UBAC1: variants seen among roughly 807,000 people sequenced by gnomAD.
UBAC1 encodes the protein UBA domain containing 1.
A neutral mutation model predicts 45.9 loss-of-function variants in UBAC1; 27 were observed. That is an observed-to-expected ratio of 0.59 (90% CI 0.43 to 0.81). The LOEUF is 0.81. Ranked by LOEUF, UBAC1 falls within the 30% of genes least tolerant of loss-of-function variation. The pLI, the probability that UBAC1 is intolerant of heterozygous loss-of-function variation, is 0.00. For missense variants in UBAC1, 529 were observed against 539.2 expected, an observed-to-expected ratio of 0.98 and a Z score of 0.19; for synonymous variants, 227 against 215.5, an observed-to-expected ratio of 1.05 and a Z score of -0.47.
rs781207645 is a variant in UBAC1 at position 135,946,012 on chromosome 9, C to A, written c.545-15G>T. 6 of 1,611,024 alleles carry A rather than the reference C, an allele frequency of 3.7e-6. No homozygotes were observed. In the African/African-American group the frequency reaches 5.3e-5, roughly 14 times the overall value. On this transcript the variant is annotated splice_polypyrimidine_tract_variant and intron_variant, in intron 5 of 9. Transcript: ENST00000371756. ...GTCCAGCATTGCTGCAGGGAGACGACAGGGCCATGAGGGCTCCAGCCTCAG... is the reference window on the plus strand; with the variant it reads ...GTCCAGCATTGCTGCAGGGAGACGAAAGGGCCATGAGGGCTCCAGCCTCAG...
chr9:135,955,713 C>A (rs1839459317), intron 1 of UBAC1, among the ~76,000 whole-genome samples: 1 of 152,200 alleles, frequency 6.6e-6, no homozygotes, highest in Admixed American at 6.5e-5. Context: ...CTAGAAAGAT[C>A]TGGAAAATAA....
intron 1 of UBAC1, among the ~76,000 whole-genome samples, chr9:135,959,686 T>A (rs4841901): frequency 0.69 from 104,568 of 151,976 alleles, 36,141 homozygotes; most frequent in East Asian, 0.77. Flanking sequence ...AGAAGTTTTT[T>A]AAAATACACA....
intron 2 of UBAC1, 89 bp from the exon 3 acceptor site, chr9:135,953,842 G>T: frequency 8.6e-7 from 1 of 1,164,236 alleles, no homozygotes; most frequent in Non-Finnish European, 1.2e-6. Flanking sequence ...CCTGAGAACA[G>T]AACAGCAGGG....
chr9:135,949,436 A>G (rs1243198207), intron 3 of UBAC1, among the ~76,000 whole-genome samples: 2 of 152,214 alleles, frequency 1.3e-5, no homozygotes, highest in Admixed American at 6.5e-5. Context: ...GCAAAGAGAA[A>G]AAGACCTGCA....
At chr9:135,946,814 G>A (rs1309657526) in intron 4 of UBAC1, among the ~76,000 whole-genome samples, 2 of 152,232 alleles carry the variant, frequency 1.3e-5, no homozygotes, top group Non-Finnish European at 2.9e-5. Flanking sequence ...CCAGGCAGGA[G>A]GAGCCGTGGG....
In UBAC1 at chr9:135,937,216, G is replaced by C. The variant is rs552580179; in HGVS notation, c.1102+1006C>G. Among the ~76,000 whole-genome samples, 12 of 152,214 alleles carry C rather than the reference G, an allele frequency of 7.9e-5. No individual in the cohort carries two copies. In the South Asian group the frequency reaches 2.3e-3, roughly 29 times the overall value. ...CCCAGCACTTAGGGAGGCTGAGGCA[G>C]GTGGATCACGAGGTCAGGAGTTCGA... On this transcript the variant is annotated intron_variant, in intron 9 of 9. Transcript: ENST00000371756.
chr9:135,952,519 A>C (rs1173640930), intron 3 of UBAC1, among the ~76,000 whole-genome samples: 2 of 152,222 alleles, frequency 1.3e-5, no homozygotes, highest in East Asian at 3.8e-4. Context: ...ATGAGCTTCT[A>C]GGGCAGCCAG....
In UBAC1 at chr9:135,952,462, G is replaced by A. The variant is rs73668048; in HGVS notation, c.333+1218C>T. Among the ~76,000 whole-genome samples, 1,386 of 152,328 alleles carry A rather than the reference G, an allele frequency of 9.1e-3. 19 individuals carry two copies. Among genetic ancestry groups the A allele is most frequent in the African/African-American group, 0.031 (1,281 of 41,574 alleles). On this transcript the variant is annotated intron_variant, in intron 3 of 9. Coordinates refer to ENST00000371756, the MANE Select transcript of UBAC1 (RefSeq NM_016172.3). ...CAGGCCCTGCTGTGGGGTAGGACAC[G>A]CCACTTGCAGAACGCATCTTCCTCT...
chr9:135,938,511 G>T, intron 8 of UBAC1, 151 bp from the exon 9 acceptor site: 4 of 1,001,500 alleles, frequency 4.0e-6, no homozygotes, highest in Non-Finnish European at 5.7e-6. Flanking sequence ...CTACCGTGAA[G>T]ACAAACGCAG....
chr9:135,944,731 T>C (rs1448555407), intron 7 of UBAC1, among the ~76,000 whole-genome samples: 1 of 152,200 alleles, frequency 6.6e-6, no homozygotes, highest in African/African-American at 2.4e-5. Flanking sequence ...CTGTAAAATA[T>C]CAAGTTTTTC....
At chr9:135,933,616 C>T (rs528753343) in intron 9 of UBAC1, 101 bp from the exon 10 acceptor site, 45 of 823,426 alleles carry the variant, frequency 5.5e-5, no homozygotes, top group South Asian at 5.0e-4. Context: ...GAAGAGGGTG[C>T]GTCTCCAATA....
chr9:135,955,471 T>C (rs1356057499), intron 1 of UBAC1, 56 bp from the exon 2 acceptor site: 2 of 1,452,662 alleles, frequency 1.4e-6, no homozygotes, highest in Non-Finnish European at 1.8e-6. Context: ...ATTCTAATAA[T>C]ATAGGACCTG....
In UBAC1 at chr9:135,959,435, C is replaced by T. The variant is rs1417748706; in HGVS notation, c.138+1590G>A. On this transcript the variant is annotated intron_variant, in intron 1 of 9. Transcript: ENST00000371756. ...CTGTCGCCAGGCTGGAGTGCAGTGG[C>T]GCGATCTCATCTCACTGCAACCTCC... 2.1e-5 allele frequency among the ~76,000 whole-genome samples: 3 copies of T among 143,566 alleles called. No homozygotes were observed. The Admixed American group carries it at 2.2e-4, about 10-fold the overall frequency. 94.2% of individuals were successfully genotyped at this position (143,566 alleles called of 152,430 possible).
Position 135,961,076 on chromosome 9 carries a change from C to T in UBAC1, c.87G>A (p.Glu29=), listed in dbSNP as rs768262551. ...CASDGAEWLE[E]ATEDTSVEKL... is the part of the protein sequence containing the mutation. ...TCTCCACCGAGGTGTCCTCGGTGGC[C>T]TCCTCCAGCCACTCGGCGCCGTCGG... Residue 29 remains glutamate (E), a synonymous_variant, in exon 1 of 10, where the codon GAG becomes GAA. Transcript: ENST00000371756. The T allele has an allele frequency of 1.9e-4, 306 of 1,583,934 alleles. No individual in the cohort carries two copies. The highest frequency in any genetic ancestry group is 2.4e-4 in the Non-Finnish European group (281 of 1,170,674).
chr9:135,949,226 G>A (rs1839377285), intron 3 of UBAC1, among the ~76,000 whole-genome samples: 1 of 152,132 alleles, frequency 6.6e-6, no homozygotes, highest in Non-Finnish European at 1.5e-5. Flanking sequence ...ACATGTTACA[G>A]CCAGATCAAA....
chr9:135,950,211 C>T (rs1839391383), intron 3 of UBAC1, among the ~76,000 whole-genome samples: 1 of 152,262 alleles, frequency 6.6e-6, no homozygotes. Context: ...TTCTGCCCTA[C>T]AGAACTGCGA....
intron 1 of UBAC1, among the ~76,000 whole-genome samples, chr9:135,956,835 T>C (rs950583987): frequency 9.2e-5 from 14 of 152,218 alleles, no homozygotes; most frequent in African/African-American, 2.9e-4. Flanking sequence ...GATGGTAGAA[T>C]TACCTGACTA....
intron 1 of UBAC1, among the ~76,000 whole-genome samples, chr9:135,960,316 T>G (rs1258886797): frequency 6.6e-6 from 1 of 152,162 alleles, no homozygotes; most frequent in African/African-American, 2.4e-5. Context: ...CAGGAGTATT[T>G]CAGGTGAATA....
rs141973137 is a variant in UBAC1 at position 135,939,711 on chromosome 9, C to G, written c.925G>C (p.Asp309His). Residue 309 changes from aspartate (D) to histidine (H), a missense_variant, in exon 8 of 10, where the codon GAT becomes CAT. By Grantham distance (81) the Asp-to-His change is moderately conservative. Coordinates refer to ENST00000371756, the MANE Select transcript of UBAC1 (RefSeq NM_016172.3). ...EMGFDEKEVI[D>H]ALRVNNNQQN... ...TGGTTGTTGTTCACTCTGAGGGCAT[C>G]TATCACCTCTTTCTCGTCGAACCCC... 6.2e-7 allele frequency: 1 copy of G among 1,614,124 alleles called. No homozygotes were observed. The highest frequency in any genetic ancestry group is 1.3e-5 in the African/African-American group (1 of 75,066).
Sources: allele counts gnomAD v4.1 joint callset (sites outside exome capture counted in the v4.1 genomes callset), GRCh38; gene constraint gnomAD v4.1.1; transcripts MANE v1.5; gene names NCBI Gene and HGNC (gene_info 2026-07-23, HGNC 2026-07-21).